Variants in SLC35F2 observed in about 807,000 individuals in gnomAD.
SLC35F2 encodes the protein queuine/queuosine transporter SLC35F2.
SLC35F2 carries 25 observed loss-of-function variants against 38.1 expected under a neutral mutation model. That is an observed-to-expected ratio of 0.66 (90% CI 0.48 to 0.92). The LOEUF (loss-of-function observed/expected upper bound fraction) is 0.92. Among genes scored for constraint, SLC35F2 ranks in the 40% least tolerant of loss-of-function variants. SLC35F2 has a pLI of 0.00. For missense variants in SLC35F2, 409 were observed against 452.9 expected (o/e 0.90, Z 0.88); for synonymous variants, 173 against 181.7 (o/e 0.95, Z 0.38).
intron 7 of SLC35F2, among the ~76,000 whole-genome samples, chr11:107,802,254 TAATAA>T (rs1380250892): frequency 1.4e-5 from 2 of 146,778 alleles, no homozygotes; most frequent in African/African-American, 2.5e-5. Flanking sequence ...AATAAATAAA[TAATAA>T]AATAAAATAA....
intron 3 of SLC35F2, among the ~76,000 whole-genome samples, chr11:107,807,650 G>A (rs1859418851): frequency 2.0e-5 from 3 of 151,600 alleles, no homozygotes; most frequent in African/African-American, 7.3e-5. Flanking sequence ...TCGGCTCACT[G>A]CAACCTCTGC....
At chr11:107,814,016 T>C (rs929673385) in intron 2 of SLC35F2, among the ~76,000 whole-genome samples, 1 of 152,108 alleles carries the variant, frequency 6.6e-6, no homozygotes, top group African/African-American at 2.4e-5. Context: ...TGAAATAAAT[T>C]ACTCTAATTT....
intron 1 of SLC35F2, among the ~76,000 whole-genome samples, chr11:107,847,867 G>GGACA (rs1332650474): frequency 2.0e-5 from 3 of 152,150 alleles, no homozygotes; most frequent in Non-Finnish European, 4.4e-5. Context: ...AGTGAGAGAG[G>GGACA]GACATTCTGG....
intron 1 of SLC35F2, among the ~76,000 whole-genome samples, chr11:107,827,390 G>A (rs561570060): frequency 6.6e-6 from 1 of 151,492 alleles, no homozygotes; most frequent in South Asian, 2.1e-4. Flanking sequence ...CAAGGTGGGT[G>A]GATCACTTGA....
intron 1 of SLC35F2, among the ~76,000 whole-genome samples, chr11:107,848,489 A>G (rs776711019): frequency 9.9e-5 from 15 of 152,178 alleles, no homozygotes; most frequent in Non-Finnish European, 1.9e-4. Context: ...TAAGGTCATG[A>G]AGGTGGAGTC....
intron 3 of SLC35F2, chr11:107,810,607 T>C (rs1275490475): frequency 4.1e-6 from 4 of 985,280 alleles, no homozygotes; most frequent in Non-Finnish European, 4.8e-6. Context: ...TAGGTTCTTT[T>C]TGTGCCTCCT....
intron 7 of SLC35F2, among the ~76,000 whole-genome samples, chr11:107,801,574 A>G (rs555013741): frequency 6.6e-6 from 1 of 152,128 alleles, no homozygotes; most frequent in East Asian, 1.9e-4. Context: ...CCAATTTTTA[A>G]GCATTTAAAA....
intron 1 of SLC35F2, among the ~76,000 whole-genome samples, chr11:107,829,860 G>A (rs1259841773): frequency 2.0e-5 from 3 of 152,084 alleles, no homozygotes; most frequent in African/African-American, 4.8e-5. Flanking sequence ...CTATAGTGGT[G>A]CTAGCAAGAC....
At position 107,805,493 on chromosome 11, in the gene SLC35F2, G is replaced by A. The variant is rs199578545; in HGVS notation, c.597C>T (p.Asp199=). Residue 199 remains aspartate, a synonymous_variant, in exon 5 of 8, where the codon GAC becomes GAT. Transcript: ENST00000525815. ...GGGAAGCCCCAAGAAGGACCAAGATGTCACCAATCAATACATCACTCCCTG... is the reference window on the plus strand; with the variant it reads ...GGGAAGCCCCAAGAAGGACCAAGATATCACCAATCAATACATCACTCCCTG... ...DNSGSDVLIG[D]ILVLLGASLY... is the part of the protein sequence containing the mutation. 2 of 1,613,552 alleles carry A rather than the reference G, an allele frequency of 1.2e-6. No individual in the cohort carries two copies. The highest frequency in any genetic ancestry group is 1.7e-6 in the Non-Finnish European group (2 of 1,179,888).
intron 6 of SLC35F2, among the ~76,000 whole-genome samples, chr11:107,804,345 T>A (rs1441551283): frequency 1.3e-5 from 2 of 151,990 alleles, no homozygotes. Flanking sequence ...GTGAGGGAGA[T>A]TTCACACCAT....
intron 7 of SLC35F2, among the ~76,000 whole-genome samples, chr11:107,795,483 T>C (rs1159223510): frequency 2.6e-5 from 4 of 152,074 alleles, no homozygotes; most frequent in African/African-American, 7.2e-5. Context: ...TATATTAAAC[T>C]AAAAAGTTTC....
At chr11:107,825,821 G>A (rs1325712741) in intron 1 of SLC35F2, among the ~76,000 whole-genome samples, 4 of 152,052 alleles carry the variant, frequency 2.6e-5, no homozygotes, top group Non-Finnish European at 4.4e-5. Flanking sequence ...TGCAATCCAT[G>A]GGCTGTTCAG....
Position 107,802,982 on chromosome 11 carries a change from A to AC in SLC35F2, c.939+18dup. ...GATCCAAGCAAGTATTCTTATTTGA[A>AC]CGTGATCTATTTGTTTACCTTATAG... On this transcript the variant is annotated intron_variant, in intron 7 of 7. Coordinates refer to ENST00000525815, the MANE Select transcript of SLC35F2 (RefSeq NM_017515.5). 6 of 1,589,296 alleles carry AC rather than the reference A, an allele frequency of 3.8e-6. No homozygotes were observed. Among genetic ancestry groups the AC allele is most frequent in the Non-Finnish European group, 5.1e-6 (6 of 1,171,056 alleles).
At chr11:107,793,432 G>T (rs995379624) in intron 7 of SLC35F2, among the ~76,000 whole-genome samples, 2 of 152,014 alleles carry the variant, frequency 1.3e-5, no homozygotes, top group African/African-American at 4.8e-5. Flanking sequence ...AAAATAAAAG[G>T]TCATCATGGA....
At chr11:107,838,627 CTTTTTTTTT>C (rs71047631) in intron 1 of SLC35F2, among the ~76,000 whole-genome samples, 1 of 108,676 alleles carries the variant, frequency 9.2e-6, no homozygotes, top group Non-Finnish European at 1.8e-5. Flanking sequence ...GCCCGGCCCT[CTTTTTTTTT>C]TTTTTTTTTT....
At chr11:107,828,760 TTA>T (rs1228474104) in intron 1 of SLC35F2, among the ~76,000 whole-genome samples, 2 of 151,902 alleles carry the variant, frequency 1.3e-5, no homozygotes, top group South Asian at 2.1e-4. Context: ...CAAGAAAAAA[TTA>T]TATGTCTCCT....
intron 1 of SLC35F2, among the ~76,000 whole-genome samples, chr11:107,857,909 C>T (rs1263848282): frequency 6.6e-6 from 1 of 152,212 alleles, no homozygotes; most frequent in Non-Finnish European, 1.5e-5. Context: ...TTGTTATGCA[C>T]AGTACCTGAC....
intron 2 of SLC35F2, among the ~76,000 whole-genome samples, chr11:107,812,356 AAAGT>A (rs1237298659): frequency 6.6e-6 from 1 of 152,180 alleles, no homozygotes; most frequent in Non-Finnish European, 1.5e-5. Context: ...CACCAGAATG[AAAGT>A]AAGAGAAAAG....
chr11:107,807,798 C>T (rs1859422117), intron 3 of SLC35F2, among the ~76,000 whole-genome samples: 1 of 152,154 alleles, frequency 6.6e-6, no homozygotes. Flanking sequence ...TGGTCTCGAA[C>T]TCCTGATGTC....
Sources: gnomAD v4.1 joint callset for allele counts (sites outside exome capture counted in the v4.1 genomes callset) on GRCh38, gnomAD v4.1.1 for gene constraint, MANE v1.5 for transcripts, NCBI Gene and HGNC (gene_info 2026-07-23, HGNC 2026-07-21) for gene names.